The following NALF1 variants were observed in gnomAD, a reference collection of about 807,000 sequenced individuals.
The protein encoded by NALF1 is NALCN channel auxiliary factor 1, also known as family with sequence similarity 155 member A.
Under a neutral mutation model 48.4 loss-of-function variants are expected in NALF1, and 3 were observed. That is an observed-to-expected ratio of 0.06 (90% CI 0.03 to 0.16). NALF1 has a LOEUF of 0.16. Among genes scored for constraint, NALF1 ranks in the 10% least tolerant of loss-of-function variants. The probability of loss-of-function intolerance (pLI) is 1.00; values close to 1 mark genes in which losing one functional copy is unlikely to be tolerated. For synonymous variants in NALF1, 262 were observed against 245.7 expected (o/e 1.07, Z -0.62); for missense variants, 526 against 571.5 (o/e 0.92, Z 0.81).
At chr13:107,681,977 T>C (rs1881316556) in intron 1 of NALF1, among the ~76,000 whole-genome samples, 1 of 152,192 alleles carries the variant, frequency 6.6e-6, no homozygotes, top group South Asian at 2.1e-4. Context: ...TGGACTCCTG[T>C]GGAAATCCTA....
At chr13:107,537,833 C>T (rs542901935) in intron 1 of NALF1, among the ~76,000 whole-genome samples, 2 of 152,198 alleles carry the variant, frequency 1.3e-5, no homozygotes, top group South Asian at 2.1e-4. Context: ...GCCTGGCCAA[C>T]ATGGTGAAAT....
At chr13:107,248,102 C>T (rs1489546341) in intron 1 of NALF1, among the ~76,000 whole-genome samples, 1 of 152,078 alleles carries the variant, frequency 6.6e-6, no homozygotes, top group African/African-American at 2.4e-5. Context: ...GTTATCACCA[C>T]TCTGCTGTAG....
At chr13:107,652,383 A>G (rs894305251) in intron 1 of NALF1, among the ~76,000 whole-genome samples, 3 of 152,220 alleles carry the variant, frequency 2.0e-5, no homozygotes, top group Admixed American at 6.5e-5. Flanking sequence ...ATGGTTCTTC[A>G]AAGTTGAAGA....
At chr13:107,819,277 C>T (rs1654145821) in intron 1 of NALF1, among the ~76,000 whole-genome samples, 1 of 152,182 alleles carries the variant, frequency 6.6e-6, no homozygotes, top group Admixed American at 6.5e-5. Flanking sequence ...TTACCCTGGA[C>T]TCCCAATGTT....
chr13:107,197,580 G>A (rs889607983), intron 2 of NALF1, among the ~76,000 whole-genome samples: 28 of 152,174 alleles, frequency 1.8e-4, no homozygotes, highest in African/African-American at 4.8e-4. Flanking sequence ...GTTCCTAGCC[G>A]TTCACTGCAT....
At chr13:107,361,114 A>T (rs1399762374) in intron 1 of NALF1, among the ~76,000 whole-genome samples, 2 of 152,206 alleles carry the variant, frequency 1.3e-5, no homozygotes, top group Non-Finnish European at 2.9e-5. Context: ...AGCAACCCAG[A>T]GCTTGCATTC....
chr13:107,187,709 C>A (rs780953040), intron 2 of NALF1, among the ~76,000 whole-genome samples: 26 of 152,110 alleles, frequency 1.7e-4, no homozygotes, highest in Non-Finnish European at 3.5e-4. Context: ...CCTTTTTGTT[C>A]TCTTTCTCTC....
chr13:107,419,761 T>A (rs1360998220), intron 1 of NALF1, among the ~76,000 whole-genome samples: 1 of 152,226 alleles, frequency 6.6e-6, no homozygotes, highest in East Asian at 1.9e-4. Flanking sequence ...GTAGAGGTAA[T>A]CTAATCACAT....
At chr13:107,793,230 T>C (rs1290252970) in intron 1 of NALF1, among the ~76,000 whole-genome samples, 1 of 152,192 alleles carries the variant, frequency 6.6e-6, no homozygotes, top group Non-Finnish European at 1.5e-5. Context: ...AGCAGGGCTG[T>C]TGATTTTTTC....
At chr13:107,425,830 TA>T (rs1440972657) in intron 1 of NALF1, among the ~76,000 whole-genome samples, 1 of 152,132 alleles carries the variant, frequency 6.6e-6, no homozygotes, top group African/African-American at 2.4e-5. Flanking sequence ...TGTACTAAGA[TA>T]TTAGATATCT....
intron 1 of NALF1, among the ~76,000 whole-genome samples, chr13:107,828,622 C>T (rs1879604819): frequency 6.8e-6 from 1 of 146,766 alleles, no homozygotes; most frequent in Non-Finnish European, 1.5e-5. Flanking sequence ...CACACACACA[C>T]ACACACACAC....
intron 1 of NALF1, among the ~76,000 whole-genome samples, chr13:107,258,818 C>A (rs1250189113): frequency 3.3e-5 from 5 of 151,816 alleles, no homozygotes; most frequent in African/African-American, 1.2e-4. Flanking sequence ...TTAGATGAAA[C>A]ATGTTTATGA....
Position 107,759,333 on chromosome 13 carries a change from C to T in NALF1, c.915+106349G>A, listed in dbSNP as rs575218607. On this transcript the variant is annotated intron_variant, in intron 1 of 2. Transcript: ENST00000375915. ...AAGCAATTCTCCTGCCTCAGCCTCC[C>T]GAGTAGCTAGGACTACAGGTGCATG... Among the ~76,000 whole-genome samples the T allele has an allele frequency of 1.2e-4, 19 of 152,220 alleles. No individual in the cohort carries two copies. In the South Asian group the frequency reaches 2.5e-3, roughly 20 times the overall value.
At chr13:107,808,148 C>T (rs540245991) in intron 1 of NALF1, among the ~76,000 whole-genome samples, 54 of 152,068 alleles carry the variant, frequency 3.6e-4, no homozygotes, top group Non-Finnish European at 7.2e-4. Context: ...GTTGCGGGGC[C>T]GATGCACTCA....
intron 1 of NALF1, among the ~76,000 whole-genome samples, chr13:107,392,423 A>T (rs564285290): frequency 2.3e-4 from 35 of 152,102 alleles, no homozygotes; most frequent in Non-Finnish European, 3.5e-4. Flanking sequence ...AGGATCTGCT[A>T]AACACTCATG....
intron 1 of NALF1, among the ~76,000 whole-genome samples, chr13:107,789,944 C>T (rs530842207): frequency 2.0e-5 from 3 of 152,260 alleles, no homozygotes; most frequent in Admixed American, 2.0e-4. Context: ...ATTAAAATGG[C>T]AAATTGTGCT....
At chr13:107,818,320 C>A (rs969999692) in intron 1 of NALF1, among the ~76,000 whole-genome samples, 2 of 152,138 alleles carry the variant, frequency 1.3e-5, no homozygotes, top group African/African-American at 2.4e-5. Flanking sequence ...GAGCCAAGTT[C>A]TCTCTGAGTG....
At chr13:107,592,428 T>C (rs986875119) in intron 1 of NALF1, among the ~76,000 whole-genome samples, 1 of 151,954 alleles carries the variant, frequency 6.6e-6, no homozygotes, top group African/African-American at 2.4e-5. Context: ...ATTTTTATTA[T>C]ATAAGAGAGT....
At chr13:107,575,089 A>C (rs1878099341) in intron 1 of NALF1, among the ~76,000 whole-genome samples, 1 of 152,140 alleles carries the variant, frequency 6.6e-6, no homozygotes, top group African/African-American at 2.4e-5. Context: ...ATCAAGACCT[A>C]AGTGCACAAG....
Sources: gnomAD v4.1 joint callset for allele counts (sites outside exome capture counted in the v4.1 genomes callset) on GRCh38, gnomAD v4.1.1 for gene constraint, MANE v1.5 for transcripts, NCBI Gene and HGNC (gene_info 2026-07-23, HGNC 2026-07-21) for gene names.